The following WDR33 variants were observed in gnomAD, a reference collection of about 807,000 sequenced individuals.
WDR33 encodes the protein pre-mRNA 3' end processing protein WDR33.
A neutral mutation model predicts 164.9 loss-of-function variants in WDR33; 47 were observed. That is an observed-to-expected ratio of 0.29 (90% CI 0.23 to 0.36). The LOEUF is 0.36. Among genes scored for constraint, WDR33 ranks in the 10% least tolerant of loss-of-function variants. The probability of loss-of-function intolerance (pLI) is 1.00; values close to 1 mark genes in which losing one functional copy is unlikely to be tolerated. For synonymous variants in WDR33, 505 were observed against 589.0 expected, an observed-to-expected ratio of 0.86 and a Z score of 2.06; for missense variants, 1,137 against 1,754.1, an observed-to-expected ratio of 0.65 and a Z score of 6.28.
chr2:127,722,564 G>A lies in WDR33; in HGVS notation c.1518+27C>T, dbSNP rs1156562789. On this transcript the variant is annotated intron_variant, in intron 14 of 21. Coordinates refer to ENST00000322313, the MANE Select transcript of WDR33 (RefSeq NM_018383.5). The surrounding 1 kb of genome is among the most constrained non-coding windows in gnomAD (Gnocchi z 5.1). Reference sequence around the variant, plus strand: ...CTAACCAACCAAAACCTCTCTGCGTGGATGAGGTGGAGTCACTTTTACTTA... The same window carrying A: ...CTAACCAACCAAAACCTCTCTGCGTAGATGAGGTGGAGTCACTTTTACTTA... 6 of 1,607,688 alleles carry A rather than the reference G, an allele frequency of 3.7e-6. No homozygotes were observed. Among genetic ancestry groups the A allele is most frequent in the Non-Finnish European group, 4.2e-6 (5 of 1,177,622 alleles).
At position 127,702,268 on chromosome 2, in the gene WDR33, GAA is replaced by G. The variant is rs946773251; in HGVS notation, c.*4053_*4054del. 2.7e-5 allele frequency: 31 copies of G among 1,129,620 alleles called. No homozygotes were observed. The African/African-American group carries it at 4.8e-4, about 17-fold the overall frequency. 70.0% of individuals were successfully genotyped at this position (1,129,620 alleles called of 1,614,324 possible). On this transcript the variant is annotated 3_prime_UTR_variant, in exon 22 of 22. Transcript: ENST00000322313. Reference sequence around the variant, plus strand: ...GCTGAGGACTGCACGCCGCTGTGCGGAAGCCCGTGGCGAAGGCCCTGCCCTAA... The same window carrying G: ...GCTGAGGACTGCACGCCGCTGTGCGGGCCCGTGGCGAAGGCCCTGCCCTAA...
intron 1 of WDR33, among the ~76,000 whole-genome samples, chr2:127,805,223 G>A (rs1249120413): frequency 2.6e-5 from 4 of 151,360 alleles, no homozygotes; most frequent in East Asian, 1.9e-4. Context: ...GACTACAGGC[G>A]CAGGCCACCA....
rs1274709679 is a variant in WDR33, at chr2:127,706,861, T to C, written c.3782-309A>G. Among the ~76,000 whole-genome samples the C allele has an allele frequency of 6.6e-6, 1 of 152,222 alleles. No individual in the cohort carries two copies. The highest frequency in any genetic ancestry group is 1.5e-5 in the Non-Finnish European group (1 of 68,040). ...GGGAGACCCGGGCCACACTGGGCCA[T>C]GTCCCAGGCCATGGGAAGTGTATCT... On this transcript the variant is annotated intron_variant, in intron 21 of 21. Coordinates refer to ENST00000322313, the MANE Select transcript of WDR33 (RefSeq NM_018383.5). This position sits in a 1 kb window ranked among gnomAD's most constrained non-coding sequence, Gnocchi z 5.1.
intron 7 of WDR33, among the ~76,000 whole-genome samples, chr2:127,744,352 C>T (rs1016600808): frequency 6.6e-6 from 1 of 152,200 alleles, no homozygotes; most frequent in East Asian, 1.9e-4. Context: ...ATCCCAAAGG[C>T]CTATCAGTGA....
Position 127,711,774 on chromosome 2 carries a change from A to ATTTTTTTTTTTTTT in WDR33, c.3308+1808_3308+1809insAAAAAAAAAAAAAA, listed in dbSNP as rs1382438028. ...CAGATATATATATATATATATATAT[A>ATTTTTTTTTTTTTT]TATATATTTTTTTTTTGAGACAGAG... On this transcript the variant is annotated intron_variant, in intron 18 of 21. Transcript: ENST00000322313. 5.7e-4 allele frequency among the ~76,000 whole-genome samples: 53 copies of ATTTTTTTTTTTTTT among 93,324 alleles called. 3 individuals carry two copies. The highest frequency in any genetic ancestry group is 9.2e-4 in the Non-Finnish European group (47 of 51,118). 61.2% of individuals were successfully genotyped at this position (93,324 alleles called of 152,430 possible).
rs1687014325 is a variant in WDR33 at position 127,741,519 on chromosome 2, C to A, written c.725-14742G>T. 6.6e-6 allele frequency among the ~76,000 whole-genome samples: 1 copy of A among 152,180 alleles called. No homozygotes were observed. The highest frequency in any genetic ancestry group is 1.5e-5 in the Non-Finnish European group (1 of 68,040). ...GTGTACACATGTACAAGCACACACACAGACACACGAATCCACAGTGAGATC... is the reference window on the plus strand; with the variant it reads ...GTGTACACATGTACAAGCACACACAAAGACACACGAATCCACAGTGAGATC... On this transcript the variant is annotated intron_variant, in intron 7 of 21. Coordinates refer to ENST00000322313, the MANE Select transcript of WDR33 (RefSeq NM_018383.5). The surrounding 1 kb of genome is among the most constrained non-coding windows in gnomAD (Gnocchi z 4.1).
chr2:127,764,001 T>C lies in WDR33; in HGVS notation c.626+827A>G. 9 of 986,150 alleles carry C rather than the reference T, an allele frequency of 9.1e-6. No homozygotes were observed. The highest frequency in any genetic ancestry group is 9.6e-6 in the Non-Finnish European group (8 of 830,500). 61.1% of individuals were successfully genotyped at this position (986,150 alleles called of 1,614,324 possible). ...GAACAAATGACTACAGTGGATGATG[T>C]TTCCATAAAGATGTCAACCTCCTCC... is the stretch of plus-strand genomic sequence containing the variant. On this transcript the variant is annotated intron_variant, in intron 6 of 21. Coordinates refer to ENST00000322313, the MANE Select transcript of WDR33 (RefSeq NM_018383.5). This position sits in a 1 kb window ranked among gnomAD's most constrained non-coding sequence, Gnocchi z 6.2.
At chr2:127,742,168 G>A (rs771033295) in intron 7 of WDR33, among the ~76,000 whole-genome samples, 3 of 151,612 alleles carry the variant, frequency 2.0e-5, no homozygotes, top group African/African-American at 4.9e-5. Flanking sequence ...AGCTGAGATC[G>A]TGCCATTGCA....
In WDR33 at chr2:127,770,789, T is replaced by C; in HGVS notation, c.193A>G (p.Lys65Glu). Reference protein sequence around the residue: ...KTIDYNPSVIKYLENRIWQRD... With the variant: ...KTIDYNPSVIEYLENRIWQRD... ...TAAATCAGGCTTACCTCCAAATACT[T>C]AATTACAGATGGATTGTAGTCTATG... Residue 65 changes from lysine to glutamate, a missense_variant, in exon 2 of 22, where the codon AAG becomes GAG. Lys to Glu is a moderately conservative substitution (Grantham distance 56). Transcript: ENST00000322313. The surrounding 1 kb of genome is among the most constrained non-coding windows in gnomAD (Gnocchi z 4.9). 6.2e-7 allele frequency: 1 copy of C among 1,613,912 alleles called. No individual in the cohort carries two copies. The highest frequency in any genetic ancestry group is 8.5e-7 in the Non-Finnish European group (1 of 1,179,868).
intron 7 of WDR33, among the ~76,000 whole-genome samples, chr2:127,753,034 C>T (rs1687418277): frequency 6.6e-6 from 1 of 152,224 alleles, no homozygotes; most frequent in Non-Finnish European, 1.5e-5. Flanking sequence ...TCAAGCAATT[C>T]TCTTGCCTCA....
Position 127,706,057 on chromosome 2 carries a change from A to C in WDR33, c.*266T>G. 1 of 380,974 alleles carries C rather than the reference A, an allele frequency of 2.6e-6. No homozygotes were observed. Among genetic ancestry groups the C allele is most frequent in the Non-Finnish European group, 4.6e-6 (1 of 215,180 alleles). 23.6% of individuals were successfully genotyped at this position (380,974 alleles called of 1,614,324 possible). A position where few individuals can be genotyped will look rare whatever the true frequency, so the allele number is the denominator to read the frequency against. ...GATGCCCCATGTCTTGTGAGACTTA[A>C]AAAAAAGAAAAAGATCCCAGCTTTT... On this transcript the variant is annotated 3_prime_UTR_variant, in exon 22 of 22. Coordinates refer to ENST00000322313, the MANE Select transcript of WDR33 (RefSeq NM_018383.5). This position sits in a 1 kb window ranked among gnomAD's most constrained non-coding sequence, Gnocchi z 5.1.
intron 1 of WDR33, among the ~76,000 whole-genome samples, chr2:127,773,645 T>A (rs945119725): frequency 1.3e-5 from 2 of 152,078 alleles, no homozygotes; most frequent in African/African-American, 4.8e-5. Context: ...TCAATAAGGC[T>A]GGTGGAAGAC....
In WDR33 at chr2:127,723,773, T is replaced by A. The variant is rs1686497244; in HGVS notation, c.1197-426A>T. Among the ~76,000 whole-genome samples the A allele has an allele frequency of 1.3e-5, 2 of 148,322 alleles. No individual in the cohort carries two copies. Among genetic ancestry groups the A allele is most frequent in the Non-Finnish European group, 3.0e-5 (2 of 67,274 alleles). On this transcript the variant is annotated intron_variant, in intron 11 of 21. Coordinates refer to ENST00000322313, the MANE Select transcript of WDR33 (RefSeq NM_018383.5). This position sits in a 1 kb window ranked among gnomAD's most constrained non-coding sequence, Gnocchi z 5.9. ...GAGACTCTGTCTCTTAAAATAATAA[T>A]AAAAATAAAAATAAAATGTGGGGCC...
At chr2:127,711,717 T>G (rs1405189095) in intron 18 of WDR33, among the ~76,000 whole-genome samples, 2 of 140,164 alleles carry the variant, frequency 1.4e-5, no homozygotes, top group African/African-American at 5.5e-5. Context: ...CCCCTGAGGG[T>G]GGGCTGGCCA....
chr2:127,737,196 T>C (rs1686869857), intron 7 of WDR33: 1 of 985,446 alleles, frequency 1.0e-6, no homozygotes, highest in Non-Finnish European at 1.2e-6. Flanking sequence ...ATCAAATATT[T>C]TTCAACCTCA....
At chr2:127,801,799 G>A (rs1229063742) in intron 1 of WDR33, among the ~76,000 whole-genome samples, 3 of 152,000 alleles carry the variant, frequency 2.0e-5, no homozygotes, top group Non-Finnish European at 4.4e-5. Flanking sequence ...CAGGATAATT[G>A]TTTGAACCCA....
chr2:127,741,665 C>T lies in WDR33; in HGVS notation c.725-14888G>A, dbSNP rs565645789. On this transcript the variant is annotated intron_variant, in intron 7 of 21. Transcript: ENST00000322313. This position sits in a 1 kb window ranked among gnomAD's most constrained non-coding sequence, Gnocchi z 4.1. ...ATCTCTGGACAACCAAGGGTCACTG[C>T]GTTATTTGAGAAAAAGCAAGTACCA... 1.5e-4 allele frequency among the ~76,000 whole-genome samples: 23 copies of T among 152,226 alleles called. No homozygotes were observed. The South Asian group carries it at 4.8e-3, about 32-fold the overall frequency.
intron 7 of WDR33, among the ~76,000 whole-genome samples, chr2:127,753,966 C>T (rs942110714): frequency 3.3e-5 from 5 of 152,082 alleles, no homozygotes; most frequent in Admixed American, 1.3e-4. Context: ...ATCTTTGACT[C>T]CTAAAATTAT....
rs750621759 is a variant in WDR33, at chr2:127,701,996, G to T, written c.*4327C>A. On this transcript the variant is annotated 3_prime_UTR_variant, in exon 22 of 22. Transcript: ENST00000322313. ...TCTACATGGCAGCGCTGGGCGCCAC[G>T]CTGTTCGCCGCGCTGGGCCTTCGCA... is the stretch of plus-strand genomic sequence containing the variant. The T allele has an allele frequency of 7.1e-4, 937 of 1,326,950 alleles. No individual in the cohort carries two copies. The highest frequency in any genetic ancestry group is 8.4e-4 in the Middle Eastern group (3 of 3,554). 82.2% of individuals were successfully genotyped at this position (1,326,950 alleles called of 1,614,324 possible). A position where few individuals can be genotyped will look rare whatever the true frequency, so the allele number is the denominator to read the frequency against.
Sources: gnomAD v4.1 joint callset for allele counts (sites outside exome capture counted in the v4.1 genomes callset) on GRCh38, gnomAD v4.1.1 for gene constraint, Gnocchi (gnomAD v3.1) non-coding constraint, MANE v1.5 for transcripts, NCBI Gene and HGNC (gene_info 2026-07-23, HGNC 2026-07-21) for gene names.